Variants in TROAP observed in about 807,000 individuals in gnomAD.
TROAP encodes trophinin associated protein.
Under a neutral mutation model 83.4 loss-of-function variants are expected in TROAP, and 62 were observed. That is an observed-to-expected ratio of 0.74 (90% CI 0.61 to 0.92). The LOEUF is 0.92. TROAP is among the 40% of genes least tolerant of loss of function. The probability of loss-of-function intolerance (pLI) is 0.00; values close to 1 mark genes in which losing one functional copy is unlikely to be tolerated. For missense variants in TROAP, 876 were observed against 985.1 expected, an observed-to-expected ratio of 0.89 and a Z score of 1.48; for synonymous variants, 352 against 386.4, an observed-to-expected ratio of 0.91 and a Z score of 1.04.
chr12:49,323,507 A>G, intron 1 of TROAP, 97 bp from the exon 2 acceptor site: 2 of 1,500,896 alleles, frequency 1.3e-6, no homozygotes. Context: ...CGCGTGGATT[A>G]GGGCGGAGGT....
Position 49,330,253 on chromosome 12 carries a change from C to A in TROAP, c.1408C>A (p.Pro470Thr). 6.2e-7 allele frequency: 1 copy of A among 1,614,148 alleles called. No homozygotes were observed. Among genetic ancestry groups the A allele is most frequent in the Non-Finnish European group, 8.5e-7 (1 of 1,180,010 alleles). ...TTCTCTGGATATGGTTGAACTTCAG[C>A]CCCTGCTGACTGAGATTTCTAGAAC... ...GSSLDMVELQ[P>T]LLTEISRTLN... Residue 470 changes from proline to threonine, a missense_variant, in exon 13 of 15, where the codon CCC becomes ACC. Coordinates refer to ENST00000257909, the MANE Select transcript of TROAP (RefSeq NM_005480.4).
Position 49,325,727 on chromosome 12 carries a change from A to G in TROAP, c.496-20A>G, listed in dbSNP as rs780817209. On this transcript the variant is annotated intron_variant, in intron 4 of 14. Coordinates refer to ENST00000257909, the MANE Select transcript of TROAP (RefSeq NM_005480.4). ...GGGGGGCATCCTGAGCAGTGCTGAC[A>G]GCCTCTGTTGGTGTCCCAGGGTGTT... is the stretch of plus-strand genomic sequence containing the variant. 2 of 1,613,372 alleles carry G rather than the reference A, an allele frequency of 1.2e-6. No homozygotes were observed. Among genetic ancestry groups the G allele is most frequent in the Admixed American group, 3.3e-5 (2 of 59,952 alleles).
In TROAP at chr12:49,323,882, C is replaced by T; in HGVS notation, c.182C>T (p.Pro61Leu). 1.2e-6 allele frequency: 2 copies of T among 1,614,064 alleles called. No homozygotes were observed. Among genetic ancestry groups the T allele is most frequent in the Non-Finnish European group, 1.7e-6 (2 of 1,180,040 alleles). ...VQKPPLNIQR[P>L]LVDSAGPRPK... ...AAACCACCGCTCAATATTCAACGCC[C>T]CCTCGTTGATTCAGCAGGCCCCAGG... The change falls in exon 3 of 15, where the codon CCC becomes CTC. Residue 61 changes from proline to leucine, a missense_variant. Pro to Leu is a moderately conservative substitution (Grantham distance 98). Transcript: ENST00000257909.
rs760807694 is a variant in TROAP, at chr12:49,330,200, G to A, written c.1355G>A (p.Gly452Asp). Residue 452 changes from glycine to aspartate, a missense_variant, in exon 13 of 15, where the codon GGC becomes GAC. Physicochemically the swap from Gly to Asp is moderately conservative, Grantham distance 94. Coordinates refer to ENST00000257909, the MANE Select transcript of TROAP (RefSeq NM_005480.4). The stretch of plus-strand genomic sequence containing the variant: ...CAGGAAGTAGAGGGGCTGGTAGGGG[G>A]CCAGTGTGTCCCTCTTAATGGAGGC... ...LRQEVEGLVG[G>D]QCVPLNGGSS... is the part of the protein sequence containing the mutation. The A allele has an allele frequency of 6.2e-7, 1 of 1,614,080 alleles. No individual in the cohort carries two copies. Among genetic ancestry groups the A allele is most frequent in the Non-Finnish European group, 8.5e-7 (1 of 1,179,970 alleles).
Position 49,329,326 on chromosome 12 carries a change from C to T in TROAP, c.1105-69C>T, listed in dbSNP as rs1435254281. On this transcript the variant is annotated intron_variant, in intron 10 of 14. Transcript: ENST00000257909. The surrounding 1 kb of genome is among the most constrained non-coding windows in gnomAD (Gnocchi z 4.5). The stretch of plus-strand genomic sequence containing the variant: ...ATGGATGGGTACAGGAGAGAGAAGA[C>T]AGAAGCAAGGGGAGGCTGAGTGCCA... The T allele has an allele frequency of 1.2e-6, 2 of 1,612,958 alleles. No individual in the cohort carries two copies. Among genetic ancestry groups the T allele is most frequent in the Non-Finnish European group, 1.7e-6 (2 of 1,178,932 alleles).
chr12:49,325,549 C>A lies in TROAP; in HGVS notation c.386C>A (p.Thr129Asn). ...EFVADPAALA[T>N]ILSGEGVKSC... ...GTGGCTGACCCTGCAGCCCTGGCCA[C>A]CATCCTGTCAGGTGAGGGTGTGAAG... The change falls in exon 4 of 15, where the codon ACC (threonine) becomes AAC (asparagine). Residue 129 changes from threonine to asparagine, a missense_variant. By Grantham distance (65) the Thr-to-Asn change is moderately conservative (BLOSUM62 0). Transcript: ENST00000257909. 1.2e-6 allele frequency: 2 copies of A among 1,614,042 alleles called. No homozygotes were observed. The highest frequency in any genetic ancestry group is 1.7e-6 in the Non-Finnish European group (2 of 1,180,022).
intron 13 of TROAP, 95 bp from the exon 14 acceptor site, chr12:49,331,119 A>G: frequency 6.4e-7 from 1 of 1,568,448 alleles, no homozygotes; most frequent in Non-Finnish European, 8.7e-7. Flanking sequence ...CTGTGCTCCT[A>G]ATTGGCTTGG....
rs1201241458 is a variant in TROAP, at chr12:49,329,137, T to C, written c.1021-24T>C. 2.5e-6 allele frequency: 4 copies of C among 1,613,998 alleles called. No individual in the cohort carries two copies. The African/African-American group carries it at 5.3e-5, about 22-fold the overall frequency. On this transcript the variant is annotated intron_variant, in intron 9 of 14. Transcript: ENST00000257909. The surrounding 1 kb of genome is among the most constrained non-coding windows in gnomAD (Gnocchi z 4.5). ...TGCTATGTCTGGGTTTTGTCCCTGC[T>C]CAGCCACCCACATCTCTCCCCAGAC...
In TROAP at chr12:49,329,070, C is replaced by G; in HGVS notation, c.1020+15C>G. On this transcript the variant is annotated intron_variant, in intron 9 of 14. Transcript: ENST00000257909. The surrounding 1 kb of genome is among the most constrained non-coding windows in gnomAD (Gnocchi z 4.5). ...CTCCAACTCTGGTTTGTGTCAACAA[C>G]TGGGGGCTGGGCAGGGGCAGAACAG... 1 of 1,612,754 alleles carries G rather than the reference C, an allele frequency of 6.2e-7. No homozygotes were observed. Among genetic ancestry groups the G allele is most frequent in the Non-Finnish European group, 8.5e-7 (1 of 1,178,930 alleles).
At chr12:49,326,429 G>A (rs1034778039) in intron 6 of TROAP, among the ~76,000 whole-genome samples, 4 of 152,204 alleles carry the variant, frequency 2.6e-5, no homozygotes, top group Non-Finnish European at 5.9e-5. Context: ...AGTGGCTAGA[G>A]TATAGACTGT....
chr12:49,325,563 G>A lies in TROAP; in HGVS notation c.400G>A (p.Glu134Lys). Residue 134 changes from glutamate to lysine, a missense_variant, in exon 4 of 15, where the codon GAG (glutamate) becomes AAG (lysine). Coordinates refer to ENST00000257909, the MANE Select transcript of TROAP (RefSeq NM_005480.4). ...AGCCCTGGCCACCATCCTGTCAGGT[G>A]AGGGTGTGAAGAGCTGTCACCTGGG... ...PAALATILSG[E>K]GVKSCHLGRQ... The A allele has an allele frequency of 6.2e-7, 1 of 1,614,038 alleles. No homozygotes were observed. Among genetic ancestry groups the A allele is most frequent in the Non-Finnish European group, 8.5e-7 (1 of 1,180,034 alleles).
Position 49,329,229 on chromosome 12 carries a change from C to T in TROAP, c.1089C>T (p.Thr363=), listed in dbSNP as rs1943544462. The T allele has an allele frequency of 1.2e-6, 2 of 1,614,072 alleles. No individual in the cohort carries two copies. The highest frequency in any genetic ancestry group is 1.7e-6 in the Non-Finnish European group (2 of 1,180,044). ...PKTRFTPMPS[T]PRVQQAQWLR... ...CCCGGTTCACACCCATGCCATCAAC[C>T]CCCAGAGTTCAGCAGGTAAGAGAGG... The change falls in exon 10 of 15, where the codon ACC becomes ACT. Residue 363 remains threonine (T), a synonymous_variant. Coordinates refer to ENST00000257909, the MANE Select transcript of TROAP (RefSeq NM_005480.4). This position sits in a 1 kb window ranked among gnomAD's most constrained non-coding sequence, Gnocchi z 4.5.
chr12:49,329,161 A>G lies in TROAP; in HGVS notation c.1021A>G (p.Thr341Ala). 6.2e-7 allele frequency: 1 copy of G among 1,613,438 alleles called. No homozygotes were observed. Among genetic ancestry groups the G allele is most frequent in the Non-Finnish European group, 8.5e-7 (1 of 1,179,868 alleles). Residue 341 changes from threonine (T) to alanine (A), a missense_variant and splice_region_variant, in exon 10 of 15, where the codon ACC becomes GCC. Thr to Ala is a moderately conservative substitution (Grantham distance 58). Transcript: ENST00000257909. The surrounding 1 kb of genome is among the most constrained non-coding windows in gnomAD (Gnocchi z 4.5). ...RVPSPGPPTL[T>A]SYSVLRRLTV... ...CTCAGCCACCCACATCTCTCCCCAG[A>G]CCTCATATTCAGTGTTGCGGCGTCT...
chr12:49,323,904 C>A lies in TROAP; in HGVS notation c.204C>A (p.Pro68=). ...IQRPLVDSAG[P]RPKARHQAET... is the part of the protein sequence containing the mutation. ...GCCCCCTCGTTGATTCAGCAGGCCC[C>A]AGGCCGAAAGCCAGGCACCAGGCAG... Residue 68 remains proline, a synonymous_variant, in exon 3 of 15, where the codon CCC becomes CCA. Coordinates refer to ENST00000257909, the MANE Select transcript of TROAP (RefSeq NM_005480.4). The A allele has an allele frequency of 1.2e-6, 2 of 1,614,094 alleles. No individual in the cohort carries two copies. The highest frequency in any genetic ancestry group is 1.7e-6 in the Non-Finnish European group (2 of 1,180,040).
At chr12:49,331,192 C>G in intron 13 of TROAP, 22 bp from the exon 14 acceptor site, 1 of 1,613,934 alleles carries the variant, frequency 6.2e-7, no homozygotes, top group Non-Finnish European at 8.5e-7. Flanking sequence ...AGACCTCCCT[C>G]TAAATTTTCC....
rs1417269737 is a variant in TROAP at position 49,328,996 on chromosome 12, C to T, written c.961C>T (p.Pro321Ser). Residue 321 changes from proline to serine, a missense_variant, in exon 9 of 15, where the codon CCA (proline) becomes TCA (serine). By Grantham distance (74) the Pro-to-Ser change is moderately conservative (BLOSUM62 -1). This residue lies in a region of TROAP where 689 missense variants were observed against 722.6 expected (regional missense o/e 0.95). Coordinates refer to ENST00000257909, the MANE Select transcript of TROAP (RefSeq NM_005480.4). ...VAQPLPGHVV[P>S]CPSPFGRAQR... ...CCAGCCCTTGCCTGGCCATGTGGTG[C>T]CATGTCCATCACCCTTTGGACGGGC... The T allele has an allele frequency of 2.5e-6, 4 of 1,610,766 alleles. No homozygotes were observed. Among genetic ancestry groups the T allele is most frequent in the Non-Finnish European group, 3.4e-6 (4 of 1,177,916 alleles).
chr12:49,331,445 G>T, intron 14 of TROAP, 38 bp downstream of exon 14: 1 of 1,608,688 alleles, frequency 6.2e-7, no homozygotes, highest in Non-Finnish European at 8.5e-7. Context: ...TGGCTGCACA[G>T]TGAGCCTGAT....
chr12:49,327,122 A>G, intron 7 of TROAP, 87 bp from the exon 8 acceptor site: 2 of 1,558,692 alleles, frequency 1.3e-6, no homozygotes, highest in African/African-American at 2.7e-5. Flanking sequence ...TATTAAACTA[A>G]TATACCCTCT....
rs140857763 is a variant in TROAP at position 49,326,120 on chromosome 12, T to C, written c.678T>C (p.Ser226=). The change falls in exon 6 of 15, where the codon AGT becomes AGC. Residue 226 remains serine (S), a synonymous_variant. Transcript: ENST00000257909. ...CCTTTCACCCTTCCACTCGCCCCAG[T>C]TTCCAGGAGCTAAGAAGGGAGACAG... ...GPSFHPSTRP[S]FQELRRETAG... is the part of the protein sequence containing the mutation. 1,347 of 1,613,970 alleles carry C rather than the reference T, an allele frequency of 8.3e-4. 1 individual carries two copies. The highest frequency in any genetic ancestry group is 1.1e-3 in the Non-Finnish European group (1,245 of 1,180,020).
Sources: gnomAD v4.1 joint callset for allele counts (sites outside exome capture counted in the v4.1 genomes callset) on GRCh38, gnomAD v4.1.1 for gene constraint, gnomAD v4.1.1 regional missense constraint, Gnocchi (gnomAD v3.1) non-coding constraint, MANE v1.5 for transcripts, NCBI Gene and HGNC (gene_info 2026-07-23, HGNC 2026-07-21) for gene names.